R3HDM2: variants seen among roughly 807,000 people sequenced by gnomAD.
R3HDM2 encodes the protein R3H domain containing 2, also known as R3H domain-containing protein 2.
R3HDM2 carries 38 observed loss-of-function variants against 124.5 expected under a neutral mutation model. The observed-to-expected ratio is 0.31, with a 90% CI of 0.24 to 0.40. R3HDM2 has a LOEUF of 0.40. Among genes scored for constraint, R3HDM2 ranks in the 10% least tolerant of loss-of-function variants. The probability of loss-of-function intolerance (pLI) is 1.00; values close to 1 mark genes in which losing one functional copy is unlikely to be tolerated. For missense variants in R3HDM2, 869 were observed against 1,236.9 expected, an observed-to-expected ratio of 0.70 and a Z score of 4.46; for synonymous variants, 391 against 448.0, an observed-to-expected ratio of 0.87 and a Z score of 1.61.
chr12:57,304,127 C>T (rs942163939), intron 3 of R3HDM2, among the ~76,000 whole-genome samples: 2 of 152,034 alleles, frequency 1.3e-5, no homozygotes, highest in Non-Finnish European at 2.9e-5. Context: ...AGTCTTCTTC[C>T]CAAATGCCTC....
At chr12:57,360,050 T>A (rs537596349) in intron 2 of R3HDM2, among the ~76,000 whole-genome samples, 17,640 of 72,796 alleles carry the variant, frequency 0.24, 1,318 homozygotes, top group Admixed American at 0.3. Flanking sequence ...TATATATATT[T>A]TTTTTTTTTT....
chr12:57,369,318 T>C (rs1262379315), intron 2 of R3HDM2, among the ~76,000 whole-genome samples: 2 of 152,200 alleles, frequency 1.3e-5, no homozygotes, highest in African/African-American at 4.8e-5. Context: ...GCAGATGATA[T>C]GTGATTCTGG....
chr12:57,367,193 G>A (rs2062771067), intron 2 of R3HDM2, among the ~76,000 whole-genome samples: 1 of 152,120 alleles, frequency 6.6e-6, no homozygotes, highest in Non-Finnish European at 1.5e-5. Context: ...AAATACTCAT[G>A]GCCCTTTATT....
chr12:57,333,636 G>A (rs1163030172), intron 2 of R3HDM2, among the ~76,000 whole-genome samples: 2 of 152,070 alleles, frequency 1.3e-5, no homozygotes, highest in Non-Finnish European at 2.9e-5. Context: ...AGGTTGCAGT[G>A]GGCTGAGATT....
chr12:57,281,617 C>T (rs934101347), intron 13 of R3HDM2, among the ~76,000 whole-genome samples: 5 of 152,092 alleles, frequency 3.3e-5, no homozygotes, highest in Non-Finnish European at 7.3e-5. Context: ...TCCCAAGTAG[C>T]TGGGATTACA....
chr12:57,275,988 C>T (rs1042797574), intron 14 of R3HDM2, among the ~76,000 whole-genome samples: 3 of 151,680 alleles, frequency 2.0e-5, no homozygotes, highest in Non-Finnish European at 2.9e-5. Flanking sequence ...GAGGCCAAGG[C>T]GGGCGGATCA....
At chr12:57,383,897 ATTCCCTG>A (rs2065281734) in intron 2 of R3HDM2, among the ~76,000 whole-genome samples, 2 of 152,252 alleles carry the variant, frequency 1.3e-5, no homozygotes, top group South Asian at 2.1e-4. Flanking sequence ...AAAAAATAAA[ATTCCCTG>A]ACAAACAAGT....
At chr12:57,323,975 A>C (rs1235954568) in intron 2 of R3HDM2, among the ~76,000 whole-genome samples, 1 of 152,108 alleles carries the variant, frequency 6.6e-6, no homozygotes, top group Admixed American at 6.6e-5. Context: ...GAAAGTTCAC[A>C]CTGTCTTTTC....
At chr12:57,421,099 C>T (rs1192440708) in intron 1 of R3HDM2, among the ~76,000 whole-genome samples, 2 of 151,796 alleles carry the variant, frequency 1.3e-5, no homozygotes, top group African/African-American at 2.4e-5. Context: ...CCACTATTAT[C>T]CTCTCTCTTG....
Position 57,296,522 on chromosome 12 carries a change from G to A in R3HDM2, c.590C>T (p.Thr197Ile). 6.4e-7 allele frequency: 1 copy of A among 1,551,880 alleles called. No homozygotes were observed. The highest frequency in any genetic ancestry group is 8.7e-7 in the Non-Finnish European group (1 of 1,146,994). Reference sequence around the variant, plus strand: ...GTGTAATAGCATCCGGTGATATGAGGTCATCTGAGGGAACTTCTTGAACTG... The same window carrying A: ...GTGTAATAGCATCCGGTGATATGAGATCATCTGAGGGAACTTCTTGAACTG... ...NNQFKKFPQM[T>I]SYHRMLLHRV... The change falls in exon 9 of 24, where the codon ACC becomes ATC. Residue 197 changes from threonine to isoleucine, a missense_variant. By Grantham distance (89) the Thr-to-Ile change is moderately conservative. Transcript: ENST00000402412. The surrounding 1 kb of genome is among the most constrained non-coding windows in gnomAD (Gnocchi z 4.5).
At chr12:57,310,844 C>T (rs2053762674) in intron 2 of R3HDM2, among the ~76,000 whole-genome samples, 1 of 152,098 alleles carries the variant, frequency 6.6e-6, no homozygotes, top group Non-Finnish European at 1.5e-5. Context: ...ACAGATTAGT[C>T]TGTATTTTCT....
rs869177467 is a variant in R3HDM2 at position 57,313,882 on chromosome 12, G to GAA, written c.-35-3421_-35-3420dup. Among the ~76,000 whole-genome samples the GAA allele has an allele frequency of 5.6e-4, 34 of 60,472 alleles. 1 individual carries two copies. Among genetic ancestry groups the GAA allele is most frequent in the Middle Eastern group, 0.011 (1 of 88 alleles). The allele number at this position is 60,472 out of a possible 152,430, so 39.7% of individuals were successfully genotyped here. On this transcript the variant is annotated intron_variant, in intron 2 of 23. Coordinates refer to ENST00000402412, the MANE Select transcript of R3HDM2 (RefSeq NM_001394031.1). ...GGTGACAAAGCAAGATCCTGTCTCT[G>GAA]AAAAAAAAAAAAAAAAAAAAAAAAG...
chr12:57,361,025 G>A (rs1027220042), intron 2 of R3HDM2, among the ~76,000 whole-genome samples: 1 of 139,488 alleles, frequency 7.2e-6, no homozygotes. Context: ...CCTCCAGCCT[G>A]GGCAACAGAG....
intron 18 of R3HDM2, among the ~76,000 whole-genome samples, chr12:57,267,729 G>C (rs1352998603): frequency 6.6e-6 from 1 of 152,140 alleles, no homozygotes; most frequent in African/African-American, 2.4e-5. Flanking sequence ...TCCAGTTCTT[G>C]TTCCACCTCT....
At position 57,254,266 on chromosome 12, in the gene R3HDM2, C is replaced by T. The variant is rs1009061253; in HGVS notation, c.*507G>A. 6.6e-6 allele frequency: 3 copies of T among 452,492 alleles called. No individual in the cohort carries two copies. The highest frequency in any genetic ancestry group is 6.0e-5 in the African/African-American group (3 of 49,758). 28.0% of individuals were successfully genotyped at this position (452,492 alleles called of 1,614,324 possible). A position where few individuals can be genotyped will look rare whatever the true frequency, so the allele number is the denominator to read the frequency against. The stretch of plus-strand genomic sequence containing the variant: ...CTGTAATCCCAGCACTCTGGAAGGC[C>T]AAGGCAGGTGGATCACCTGAGGTCA... On this transcript the variant is annotated 3_prime_UTR_variant, in exon 24 of 24. Transcript: ENST00000402412.
chr12:57,372,393 T>G (rs898792613), intron 2 of R3HDM2, among the ~76,000 whole-genome samples: 2 of 151,928 alleles, frequency 1.3e-5, no homozygotes, highest in African/African-American at 4.8e-5. Flanking sequence ...GACCACAGGC[T>G]AGAAAGCCTT....
rs553594271 is a variant in R3HDM2, at chr12:57,291,220, T to G, written c.906+1352A>C. ...CGCAAGTACATACAGTTGTTCAGTT[T>G]TTTAGTTGGAGACAGTATTTTTCTA... On this transcript the variant is annotated intron_variant, in intron 11 of 23. Coordinates refer to ENST00000402412, the MANE Select transcript of R3HDM2 (RefSeq NM_001394031.1). Among the ~76,000 whole-genome samples, 7 of 150,098 alleles carry G rather than the reference T, an allele frequency of 4.7e-5. No individual in the cohort carries two copies. The East Asian group carries it at 1.2e-3, about 25-fold the overall frequency.
intron 2 of R3HDM2, among the ~76,000 whole-genome samples, chr12:57,324,686 C>T (rs1376405095): frequency 6.6e-6 from 1 of 152,168 alleles, no homozygotes; most frequent in Non-Finnish European, 1.5e-5. Context: ...CACACAGCTT[C>T]CTGGGGAAAA....
chr12:57,301,107 A>G (rs1389998507), intron 4 of R3HDM2, among the ~76,000 whole-genome samples: 1 of 152,046 alleles, frequency 6.6e-6, no homozygotes, highest in Non-Finnish European at 1.5e-5. Flanking sequence ...CTATCTCAAA[A>G]AACCAAAAAA....
Sources: allele counts gnomAD v4.1 joint callset (sites outside exome capture counted in the v4.1 genomes callset), GRCh38; gene constraint gnomAD v4.1.1; non-coding constraint Gnocchi (gnomAD v3.1); transcripts MANE v1.5; gene names NCBI Gene and HGNC (gene_info 2026-07-23, HGNC 2026-07-21).